CSMD2: variants seen among roughly 807,000 people sequenced by gnomAD.
The protein encoded by CSMD2 is CUB and sushi domain-containing protein 2.
Under a neutral mutation model 398.5 loss-of-function variants are expected in CSMD2, and 130 were observed. The ratio of observed to expected loss-of-function variants is 0.33; its 90% CI spans 0.28 to 0.38. The LOEUF (loss-of-function observed/expected upper bound fraction) is 0.38. CSMD2 is among the 10% of genes least tolerant of loss of function. The pLI is 1.00. For missense variants in CSMD2, 3,829 were observed against 4,764.9 expected (o/e 0.80, Z 5.78); for synonymous variants, 1,828 against 1,908.5 (o/e 0.96, Z 1.10).
At position 33,533,541 on chromosome 1, in the gene CSMD2, G is replaced by T. The variant is rs1655461831; in HGVS notation, c.9991+255C>A. 6.6e-6 allele frequency among the ~76,000 whole-genome samples: 1 copy of T among 151,640 alleles called. No individual in the cohort carries two copies. The highest frequency in any genetic ancestry group is 1.5e-5 in the Non-Finnish European group (1 of 67,952). On this transcript the variant is annotated intron_variant, in intron 63 of 70. Coordinates refer to ENST00000373381, the MANE Select transcript of CSMD2 (RefSeq NM_001281956.2). The surrounding 1 kb of genome is among the most constrained non-coding windows in gnomAD (Gnocchi z 4.2). ...TATCTCCATCCTGAGGCCTGGCCTT[G>T]CAGTTGTTAGTTTTTGCTGCTGCCA...
intron 5 of CSMD2, among the ~76,000 whole-genome samples, chr1:33,904,265 G>A (rs898015822): frequency 1.4e-4 from 22 of 152,196 alleles, no homozygotes; most frequent in African/African-American, 5.1e-4. Flanking sequence ...ATGGGCAGAA[G>A]CAGCTTCCTC....
At chr1:33,847,467 T>C (rs1638347866) in intron 5 of CSMD2, among the ~76,000 whole-genome samples, 1 of 152,002 alleles carries the variant, frequency 6.6e-6, no homozygotes, top group Non-Finnish European at 1.5e-5. Context: ...TATCCAGGTT[T>C]CACCAGTGTG....
At chr1:33,653,879 G>A (rs1314370843) in intron 27 of CSMD2, among the ~76,000 whole-genome samples, 2 of 152,182 alleles carry the variant, frequency 1.3e-5, no homozygotes, top group African/African-American at 4.8e-5. Context: ...TCCAAGATGA[G>A]TCTTTGTGGG....
chr1:33,768,208 A>C (rs549505835), intron 13 of CSMD2, among the ~76,000 whole-genome samples: 11 of 152,270 alleles, frequency 7.2e-5, no homozygotes, highest in African/African-American at 2.2e-4. Context: ...AATCCATAGG[A>C]TTCTTCATAT....
chr1:33,818,530 G>C (rs184618148), intron 9 of CSMD2, among the ~76,000 whole-genome samples: 7 of 152,206 alleles, frequency 4.6e-5, no homozygotes, highest in African/African-American at 1.7e-4. Flanking sequence ...GGTAAGAAAG[G>C]CTTAGGGAAA....
intron 3 of CSMD2, among the ~76,000 whole-genome samples, chr1:33,979,430 G>A (rs536667661): frequency 1.7e-4 from 26 of 152,314 alleles, no homozygotes; most frequent in African/African-American, 6.3e-4. Flanking sequence ...TCAACCTGCT[G>A]AGAAATAGCC....
At chr1:33,972,242 C>CTTTG (rs1252758903) in intron 3 of CSMD2, among the ~76,000 whole-genome samples, 1 of 152,152 alleles carries the variant, frequency 6.6e-6, no homozygotes, top group African/African-American at 2.4e-5. Context: ...AAGCCAGGTC[C>CTTTG]CTGTGATACT....
In CSMD2 at chr1:33,913,028, T is replaced by A. The variant is rs79147264; in HGVS notation, c.920+5066A>T. 2.7e-3 allele frequency among the ~76,000 whole-genome samples: 412 copies of A among 152,094 alleles called. 3 individuals carry two copies. Among genetic ancestry groups the A allele is most frequent in the African/African-American group, 9.4e-3 (389 of 41,464 alleles). On this transcript the variant is annotated intron_variant, in intron 5 of 70. Transcript: ENST00000373381. The stretch of plus-strand genomic sequence containing the variant: ...GGTGTCTCCATGTTGCCCAGGCTCA[T>A]CTTGAACTCCTAGACTCAAGTGATC...
intron 6 of CSMD2, among the ~76,000 whole-genome samples, chr1:33,834,295 A>T (rs1368812991): frequency 1.4e-5 from 1 of 69,280 alleles, no homozygotes; most frequent in East Asian, 7.5e-4. Flanking sequence ...ACTGGTACCA[A>T]AACAGAGATA....
intron 2 of CSMD2, among the ~76,000 whole-genome samples, chr1:34,072,901 C>T (rs545128156): frequency 7.9e-4 from 121 of 152,286 alleles, no homozygotes; most frequent in African/African-American, 2.7e-3. Flanking sequence ...AGCCTCATCC[C>T]TGGCAGACCC....
chr1:33,551,576 T>C (rs1043570823), intron 55 of CSMD2, among the ~76,000 whole-genome samples: 4 of 152,192 alleles, frequency 2.6e-5, no homozygotes, highest in Non-Finnish European at 5.9e-5. Context: ...ACCCTGATGA[T>C]GAATTTTGGT....
In CSMD2 at chr1:33,572,697, A is replaced by G. The variant is rs1202348077; in HGVS notation, c.7577-6T>C. 2 of 1,600,584 alleles carry G rather than the reference A, an allele frequency of 1.2e-6. No individual in the cohort carries two copies. The highest frequency in any genetic ancestry group is 1.7e-5 in the Admixed American group (1 of 59,220). On this transcript the variant is annotated splice_region_variant and splice_polypyrimidine_tract_variant and intron_variant, in intron 49 of 70. Coordinates refer to ENST00000373381, the MANE Select transcript of CSMD2 (RefSeq NM_001281956.2). ...AGGAAGCCCACAGGAAAGAGCTAGC[A>G]AAAGGAAAACAATGTCATGAGCATT...
At chr1:33,698,402 G>C (rs1645493161) in intron 24 of CSMD2, among the ~76,000 whole-genome samples, 1 of 152,146 alleles carries the variant, frequency 6.6e-6, no homozygotes, top group Non-Finnish European at 1.5e-5. Flanking sequence ...GATAAGCCCT[G>C]GAACTCAGGC....
intron 44 of CSMD2, among the ~76,000 whole-genome samples, chr1:33,597,515 G>A (rs1639921285): frequency 6.6e-6 from 1 of 152,188 alleles, no homozygotes; most frequent in African/African-American, 2.4e-5. Context: ...ACACAGGAAA[G>A]GATGCTCTGC....
At chr1:34,027,988 C>T (rs1289451710) in intron 3 of CSMD2, among the ~76,000 whole-genome samples, 1 of 152,132 alleles carries the variant, frequency 6.6e-6, no homozygotes, top group Non-Finnish European at 1.5e-5. Context: ...ATGGGATTGT[C>T]AGTTCTAGCA....
chr1:33,725,177 G>A (rs1646487655), intron 17 of CSMD2, among the ~76,000 whole-genome samples, 172 bp downstream of exon 17: 1 of 152,192 alleles, frequency 6.6e-6, no homozygotes, highest in Non-Finnish European at 1.5e-5. Context: ...TGACCTGAGG[G>A]ATGCTGAGAG....
chr1:34,008,977 T>G (rs938443065), intron 3 of CSMD2, among the ~76,000 whole-genome samples: 1 of 151,090 alleles, frequency 6.6e-6, no homozygotes, highest in Non-Finnish European at 1.5e-5. Flanking sequence ...CAGCTTTCTT[T>G]GCCTACCCCA....
intron 5 of CSMD2, among the ~76,000 whole-genome samples, chr1:33,912,551 G>A (rs1643508842): frequency 6.6e-6 from 1 of 152,134 alleles, no homozygotes; most frequent in African/African-American, 2.4e-5. Flanking sequence ...GTAGAGGAAA[G>A]AAGGAGAGAA....
At chr1:34,023,131 C>T (rs151009974) in intron 3 of CSMD2, among the ~76,000 whole-genome samples, 3 of 152,290 alleles carry the variant, frequency 2.0e-5, no homozygotes, top group East Asian at 3.9e-4. Context: ...CCACCACACT[C>T]GAAGGATTTA....
Sources: allele counts gnomAD v4.1 joint callset (sites outside exome capture counted in the v4.1 genomes callset), GRCh38; gene constraint gnomAD v4.1.1; non-coding constraint Gnocchi (gnomAD v3.1); transcripts MANE v1.5; gene names NCBI Gene and HGNC (gene_info 2026-07-23, HGNC 2026-07-21).